The following CERS6 variants were observed in gnomAD, a reference collection of about 807,000 sequenced individuals.
CERS6 encodes the protein ceramide synthase 6.
A neutral mutation model predicts 56.8 loss-of-function variants in CERS6; 26 were observed. The observed-to-expected ratio is 0.46, with a 90% confidence interval of 0.34 to 0.63. CERS6 has a LOEUF of 0.63. CERS6 is among the 30% of genes least tolerant of loss of function. The probability of loss-of-function intolerance (pLI) is 0.01; values close to 1 mark genes in which losing one functional copy is unlikely to be tolerated. For synonymous variants in CERS6, 164 were observed against 173.3 expected, an observed-to-expected ratio of 0.95 and a Z score of 0.42; for missense variants, 415 against 467.5, an observed-to-expected ratio of 0.89 and a Z score of 1.04.
intron 1 of CERS6, among the ~76,000 whole-genome samples, chr2:168,529,092 T>C (rs543888293): frequency 6.6e-6 from 1 of 152,376 alleles, no homozygotes; most frequent in Admixed American, 6.5e-5. Context: ...GCCAGGAGCA[T>C]GTGCTGTCTC....
At chr2:168,596,636 T>C (rs1480489346) in intron 3 of CERS6, among the ~76,000 whole-genome samples, 1 of 141,642 alleles carries the variant, frequency 7.1e-6, no homozygotes, top group Non-Finnish European at 1.5e-5. Context: ...TCACTGTAAC[T>C]TCCACCTCCC....
Position 168,600,190 on chromosome 2 carries a change from TTCTC to T in CERS6, c.408-30777_408-30774del, listed in dbSNP as rs10651781. 5.8e-5 allele frequency among the ~76,000 whole-genome samples: 8 copies of T among 138,052 alleles called. No homozygotes were observed. In the East Asian group the frequency reaches 1.3e-3, roughly 22 times the overall value. 90.6% of individuals were successfully genotyped at this position (138,052 alleles called of 152,430 possible). A position where few individuals can be genotyped will look rare whatever the true frequency, so the allele number is the denominator to read the frequency against. On this transcript the variant is annotated intron_variant, in intron 3 of 9. Coordinates refer to ENST00000305747, the MANE Select transcript of CERS6 (RefSeq NM_203463.3). Reference sequence around the variant, plus strand: ...CTTATTATGCTGTAAACTACCATATTTCTCTCTCTCTCTCTCTCTCTTTTTTTTT... The same window carrying T: ...CTTATTATGCTGTAAACTACCATATTTCTCTCTCTCTCTCTCTTTTTTTTT...
chr2:168,544,824 C>T (rs1282468234), intron 1 of CERS6, among the ~76,000 whole-genome samples: 1 of 152,034 alleles, frequency 6.6e-6, no homozygotes, highest in Non-Finnish European at 1.5e-5. Context: ...GGAGGGTAAA[C>T]TGGGGCAAGT....
chr2:168,693,867 A>G (rs1004160283), intron 5 of CERS6, among the ~76,000 whole-genome samples: 1 of 152,114 alleles, frequency 6.6e-6, no homozygotes, highest in Non-Finnish European at 1.5e-5. Context: ...AGACTTTAGG[A>G]TTGCTGGTTC....
At chr2:168,710,989 C>CTA (rs1235041048) in intron 6 of CERS6, among the ~76,000 whole-genome samples, 1 of 152,228 alleles carries the variant, frequency 6.6e-6, no homozygotes, top group African/African-American at 2.4e-5. Flanking sequence ...ACAGTGGAAT[C>CTA]TACCATCAAT....
At chr2:168,724,024 G>T (rs927805558) in intron 8 of CERS6, among the ~76,000 whole-genome samples, 13 of 152,202 alleles carry the variant, frequency 8.5e-5, no homozygotes, top group Admixed American at 7.9e-4. Flanking sequence ...GAATTGGTGG[G>T]TTCTTGGTCT....
chr2:168,495,896 G>C (rs16855390), intron 1 of CERS6, among the ~76,000 whole-genome samples: 1 of 152,126 alleles, frequency 6.6e-6, no homozygotes, highest in African/African-American at 2.4e-5. Flanking sequence ...GGTACAAAAA[G>C]GTATTCCCCA....
intron 3 of CERS6, among the ~76,000 whole-genome samples, chr2:168,620,720 A>G (rs1684450010): frequency 6.6e-6 from 1 of 151,676 alleles, no homozygotes; most frequent in African/African-American, 2.4e-5. Context: ...TGCAGCAGAA[A>G]ACTGACACCA....
intron 1 of CERS6, among the ~76,000 whole-genome samples, chr2:168,523,589 C>T (rs911665455): frequency 3.9e-5 from 6 of 151,914 alleles, no homozygotes; most frequent in Non-Finnish European, 8.8e-5. Flanking sequence ...CATTAGGGAC[C>T]CCACTACCTG....
At chr2:168,634,331 G>A (rs1028944636) in intron 4 of CERS6, among the ~76,000 whole-genome samples, 3 of 152,150 alleles carry the variant, frequency 2.0e-5, no homozygotes, top group East Asian at 3.9e-4. Flanking sequence ...AGCAGACAGT[G>A]TACACATACA....
chr2:168,682,679 C>CA (rs1686249620), intron 4 of CERS6, among the ~76,000 whole-genome samples: 2 of 152,016 alleles, frequency 1.3e-5, no homozygotes, highest in African/African-American at 4.8e-5. Flanking sequence ...ACAACTCTCA[C>CA]AATGGGGGGT....
At chr2:168,575,150 A>G (rs1683228055) in intron 3 of CERS6, among the ~76,000 whole-genome samples, 1 of 152,158 alleles carries the variant, frequency 6.6e-6, no homozygotes, top group Admixed American at 6.5e-5. Flanking sequence ...CGATTTCTTG[A>G]AACTTAACCT....
chr2:168,604,714 G>A (rs1175365549), intron 3 of CERS6, among the ~76,000 whole-genome samples: 1 of 152,016 alleles, frequency 6.6e-6, no homozygotes, highest in Non-Finnish European at 1.5e-5. Flanking sequence ...TCTCGCTCCT[G>A]CTTTGGCCAC....
chr2:168,600,766 C>T (rs1388359415), intron 3 of CERS6, among the ~76,000 whole-genome samples: 2 of 152,124 alleles, frequency 1.3e-5, no homozygotes, highest in Non-Finnish European at 2.9e-5. Context: ...CTTTCCATTT[C>T]CTATGGTATC....
At chr2:168,768,558 C>T (rs1184738189) in intron 9 of CERS6, among the ~76,000 whole-genome samples, 1 of 151,710 alleles carries the variant, frequency 6.6e-6, no homozygotes. Flanking sequence ...ATGATCTAGT[C>T]AGTGGATTTT....
At chr2:168,593,257 A>C (rs563125789) in intron 3 of CERS6, among the ~76,000 whole-genome samples, 3 of 152,218 alleles carry the variant, frequency 2.0e-5, no homozygotes, top group Admixed American at 6.5e-5. Context: ...TGACCGTGTA[A>C]GGTAATATGC....
chr2:168,540,051 G>A (rs982053503), intron 1 of CERS6, among the ~76,000 whole-genome samples: 1 of 152,050 alleles, frequency 6.6e-6, no homozygotes. Flanking sequence ...ACTTCCTTTA[G>A]CATATTTGAA....
At chr2:168,732,792 T>G (rs1164887324) in intron 8 of CERS6, among the ~76,000 whole-genome samples, 1 of 152,232 alleles carries the variant, frequency 6.6e-6, no homozygotes, top group African/African-American at 2.4e-5. Flanking sequence ...GGGAAGATGA[T>G]GAAAGATTGC....
chr2:168,582,562 A>G (rs1296337797), intron 3 of CERS6, among the ~76,000 whole-genome samples: 1 of 152,256 alleles, frequency 6.6e-6, no homozygotes, highest in Non-Finnish European at 1.5e-5. Flanking sequence ...TTTAATAACT[A>G]TCATCTAGTA....
Sources: allele counts gnomAD v4.1 joint callset (sites outside exome capture counted in the v4.1 genomes callset), GRCh38; gene constraint gnomAD v4.1.1; transcripts MANE v1.5; gene names NCBI Gene and HGNC (gene_info 2026-07-23, HGNC 2026-07-21).